Variants in DNAH5 observed in about 807,000 individuals in gnomAD.
The protein encoded by DNAH5 is dynein axonemal heavy chain 5.
Under a neutral mutation model 518.2 loss-of-function variants are expected in DNAH5, and 372 were observed. That is an observed-to-expected ratio of 0.72 (90% confidence interval 0.66 to 0.78). DNAH5 has a LOEUF of 0.78. Among genes scored for constraint, DNAH5 ranks in the 30% least tolerant of loss-of-function variants. The probability of loss-of-function intolerance (pLI) is 0.00; values close to 1 mark genes in which losing one functional copy is unlikely to be tolerated. For synonymous variants in DNAH5, 2,039 were observed against 2,025.9 expected, an observed-to-expected ratio of 1.01 and a Z score of -0.17; for missense variants, 5,523 against 5,687.0, an observed-to-expected ratio of 0.97 and a Z score of 0.93.
chr5:13,697,288 T>C (rs1353996944), intron 78 of DNAH5, among the ~76,000 whole-genome samples: 1 of 152,206 alleles, frequency 6.6e-6, no homozygotes, highest in Non-Finnish European at 1.5e-5. Flanking sequence ...TACAAAGCCA[T>C]AGGCAGTATG....
intron 31 of DNAH5, among the ~76,000 whole-genome samples, chr5:13,848,827 T>C (rs60358257): frequency 0.38 from 58,425 of 152,046 alleles, 11,600 homozygotes; most frequent in South Asian, 0.5. Flanking sequence ...TAAATACAAA[T>C]GAACCTTCGC....
In DNAH5 at chr5:13,911,580, A is replaced by C. The variant is rs1775999866; in HGVS notation, c.1537-87T>G. 26 of 1,021,178 alleles carry C rather than the reference A, an allele frequency of 2.5e-5. No homozygotes were observed. The South Asian group carries it at 3.4e-4, about 13-fold the overall frequency. 63.3% of individuals were successfully genotyped at this position (1,021,178 alleles called of 1,614,324 possible). ...TGACCCTTAAATGTAGAGCCTATAC[A>C]ATAATTGCCAGAAAAAAAATAAGTT... On this transcript the variant is annotated intron_variant, in intron 11 of 78. Transcript: ENST00000265104.
Position 13,780,910 on chromosome 5 carries a change from AC to A in DNAH5, c.8869del (p.Val2957TrpfsTer9), listed in dbSNP as rs1580203399. 5.0e-6 allele frequency: 8 copies of A among 1,613,672 alleles called. No individual in the cohort carries two copies. Among genetic ancestry groups the A allele is most frequent in the Non-Finnish European group, 6.8e-6 (8 of 1,179,716 alleles). On this transcript the variant is annotated frameshift_variant, in exon 53 of 79. Transcript: ENST00000265104. LOFTEE classifies it high-confidence loss of function. ...TPQGNALLVG[V>X]GGSGKQSLTR... ...CAGGCTCTGCTTTCCTGATCCGCCC[AC>A]CCCGACCAGGAGGGCATTTCCCTGA...
intron 60 of DNAH5, 59 bp downstream of exon 60, chr5:13,762,663 C>T (rs371935464): frequency 9.1e-5 from 135 of 1,487,986 alleles, no homozygotes; most frequent in Middle Eastern, 1.7e-4. Flanking sequence ...AAAGATAAGA[C>T]GGGTCGACCT....
intron 60 of DNAH5, 78 bp from the exon 61 acceptor site, chr5:13,759,061 G>C (rs1411377236): frequency 9.5e-6 from 15 of 1,575,818 alleles, no homozygotes; most frequent in Non-Finnish European, 1.3e-5. Context: ...TGAGAACTCA[G>C]CTAACGTCAC....
intron 68 of DNAH5, among the ~76,000 whole-genome samples, chr5:13,734,657 C>T (rs1268322814): frequency 1.3e-5 from 2 of 152,178 alleles, no homozygotes; most frequent in Non-Finnish European, 2.9e-5. Context: ...CCATGGCCAG[C>T]ACCTCCTGCT....
intron 1 of DNAH5, among the ~76,000 whole-genome samples, chr5:13,977,805 G>A (rs1019118167): frequency 3.9e-5 from 6 of 152,190 alleles, no homozygotes; most frequent in Non-Finnish European, 7.3e-5. Flanking sequence ...TGGGGGCTGG[G>A]AGGGTTCATA....
rs777071324 is a variant in DNAH5 at position 13,809,141 on chromosome 5, G to A, written c.7655C>T (p.Pro2552Leu). 1.5e-5 allele frequency: 25 copies of A among 1,614,012 alleles called. No individual in the cohort carries two copies. The highest frequency in any genetic ancestry group is 2.2e-5 in the South Asian group (2 of 91,078). The change falls in exon 46 of 79, where the codon CCG (proline) becomes CTG (leucine). Residue 2552 changes from proline (P) to leucine (L), a missense_variant. Physicochemically the swap from Pro to Leu is moderately conservative, Grantham distance 98 (BLOSUM62 -3). Coordinates refer to ENST00000265104, the MANE Select transcript of DNAH5 (RefSeq NM_001369.3). ...WNTRTQEYLY[P>L]SDTTPEYGSI... The stretch of plus-strand genomic sequence containing the variant: ...ACCATACTCTGGGGTGGTATCAGAC[G>A]GATACAGGTATTCCTGGGTACGCGT...
At chr5:13,970,611 G>A (rs1781800692) in intron 1 of DNAH5, among the ~76,000 whole-genome samples, 1 of 152,170 alleles carries the variant, frequency 6.6e-6, no homozygotes, top group African/African-American at 2.4e-5. Flanking sequence ...GCTAACAACA[G>A]GATCCAATCC....
rs1231146980 is a variant in DNAH5, at chr5:13,861,974, AAAC to A, written c.4796+571_4796+573del. 6.0e-3 allele frequency among the ~76,000 whole-genome samples: 862 copies of A among 143,850 alleles called. 55 individuals are homozygous for A. The highest frequency in any genetic ancestry group is 0.02 in the African/African-American group (696 of 34,504). The allele number at this position is 143,850 out of a possible 152,430, so 94.4% of individuals were successfully genotyped here. ...TCTCAAAAAAAAAAAAAAAAAAAAA[AAAC>A]AAGTTCAAATGTACCCCATAAATTT... is the stretch of plus-strand genomic sequence containing the variant. On this transcript the variant is annotated intron_variant, in intron 29 of 78. Coordinates refer to ENST00000265104, the MANE Select transcript of DNAH5 (RefSeq NM_001369.3).
chr5:13,721,514 T>C (rs1047264791), intron 70 of DNAH5, among the ~76,000 whole-genome samples: 4 of 152,176 alleles, frequency 2.6e-5, no homozygotes, highest in African/African-American at 7.2e-5. Context: ...CATTTCAATA[T>C]ACTGCTTGCT....
intron 71 of DNAH5, among the ~76,000 whole-genome samples, chr5:13,720,573 T>C (rs1219889651): frequency 6.6e-6 from 1 of 152,112 alleles, no homozygotes; most frequent in Non-Finnish European, 1.5e-5. Flanking sequence ...AGATGGGGTC[T>C]ATGTTGCCCA....
At chr5:13,972,924 C>T (rs557064484) in intron 1 of DNAH5, among the ~76,000 whole-genome samples, 1 of 152,298 alleles carries the variant, frequency 6.6e-6, no homozygotes, top group Middle Eastern at 3.4e-3. Flanking sequence ...TCCTGGGCAA[C>T]ATAGCAAGAC....
At chr5:13,762,123 C>T (rs552339741) in intron 60 of DNAH5, among the ~76,000 whole-genome samples, 1 of 152,116 alleles carries the variant, frequency 6.6e-6, no homozygotes, top group African/African-American at 2.4e-5. Context: ...GAAGACTGAC[C>T]TTTTAATGGT....
chr5:13,993,421 T>C (rs7727798), intron 1 of DNAH5, among the ~76,000 whole-genome samples: 9,212 of 152,168 alleles, frequency 0.061, 586 homozygotes, highest in East Asian at 0.19. Context: ...GGGGACCCAA[T>C]ACCCAAAGAT....
chr5:13,845,776 T>C (rs1234983233), intron 31 of DNAH5, among the ~76,000 whole-genome samples: 1 of 151,660 alleles, frequency 6.6e-6, no homozygotes, highest in Admixed American at 6.6e-5. Context: ...TTATTTTTTT[T>C]AATTTTTGCT....
At chr5:13,715,202 C>T (rs929043486) in intron 74 of DNAH5, among the ~76,000 whole-genome samples, 14 of 152,016 alleles carry the variant, frequency 9.2e-5, no homozygotes, top group East Asian at 1.9e-4. Flanking sequence ...GATCCCCCAA[C>T]GGTTTGAAAA....
intron 12 of DNAH5, among the ~76,000 whole-genome samples, chr5:13,906,351 G>T (rs1315033134): frequency 6.6e-6 from 1 of 152,090 alleles, no homozygotes; most frequent in African/African-American, 2.4e-5. Flanking sequence ...TATGCATTCT[G>T]GGGGAGAGTA....
intron 65 of DNAH5, among the ~76,000 whole-genome samples, chr5:13,748,314 T>C (rs964754734): frequency 6.6e-6 from 1 of 152,326 alleles, no homozygotes; most frequent in East Asian, 1.9e-4. Context: ...GGTAGCGTGA[T>C]GCCTCCAGCT....
Sources: allele counts gnomAD v4.1 joint callset (sites outside exome capture counted in the v4.1 genomes callset), GRCh38; gene constraint gnomAD v4.1.1; transcripts MANE v1.5; gene names NCBI Gene and HGNC (gene_info 2026-07-23, HGNC 2026-07-21).